DCAF5: variants seen among roughly 807,000 people sequenced by gnomAD.
DCAF5 encodes DDB1 and CUL4 associated factor 5.
A neutral mutation model predicts 80.7 loss-of-function variants in DCAF5; 9 were observed. The ratio of observed to expected loss-of-function variants is 0.11; its 90% CI spans 0.07 to 0.19. DCAF5 has a LOEUF of 0.19. Ranked by LOEUF, DCAF5 falls within the 10% of genes least tolerant of loss-of-function variation. The pLI, the probability that DCAF5 is intolerant of heterozygous loss-of-function variation, is 1.00. For synonymous variants in DCAF5, 433 were observed against 461.9 expected (o/e 0.94, Z 0.80); for missense variants, 842 against 1,205.7 (o/e 0.70, Z 4.47).
At chr14:69,081,026 A>G (rs571180819) in intron 6 of DCAF5, among the ~76,000 whole-genome samples, 1 of 152,172 alleles carries the variant, frequency 6.6e-6, no homozygotes, top group East Asian at 1.9e-4. Flanking sequence ...AAAAAAGGCA[A>G]TAACAAATGT....
At chr14:69,081,112 G>A (rs141094613) in intron 6 of DCAF5, among the ~76,000 whole-genome samples, 2 of 152,142 alleles carry the variant, frequency 1.3e-5, no homozygotes, top group Non-Finnish European at 2.9e-5. Context: ...AACTCACTTC[G>A]CACAGCCTTT....
intron 5 of DCAF5, 95 bp from the exon 6 acceptor site, chr14:69,091,982 T>C (rs1028480364): frequency 1.3e-5 from 13 of 1,026,792 alleles, no homozygotes; most frequent in African/African-American, 1.1e-4. Flanking sequence ...CAAGCTTGCA[T>C]AGCTGAATTT....
intron 6 of DCAF5, chr14:69,085,272 GA>G (rs2139943339): frequency 4.2e-6 from 3 of 715,548 alleles, no homozygotes; most frequent in South Asian, 1.4e-5. Flanking sequence ...AAGGCAAGCA[GA>G]AAAAGCGAGT....
chr14:69,067,924 TGC>T, intron 7 of DCAF5, among the ~76,000 whole-genome samples: 1 of 152,258 alleles, frequency 6.6e-6, no homozygotes, highest in Non-Finnish European at 1.5e-5. Flanking sequence ...CCTGAGCCAC[TGC>T]ACCTGGCCCA....
intron 5 of DCAF5, among the ~76,000 whole-genome samples, chr14:69,099,034 C>T (rs1390308286): frequency 6.6e-6 from 1 of 151,890 alleles, no homozygotes; most frequent in Non-Finnish European, 1.5e-5. Flanking sequence ...GGGCAGATCA[C>T]GAGGTCAAGA....
In DCAF5 at chr14:69,153,018, C is replaced by G; in HGVS notation, c.-40G>C. The G allele has an allele frequency of 6.8e-7, 1 of 1,470,096 alleles. No individual in the cohort carries two copies. The highest frequency in any genetic ancestry group is 9.0e-7 in the Non-Finnish European group (1 of 1,114,302). The allele number at this position is 1,470,096 out of a possible 1,614,324, so 91.1% of individuals were successfully genotyped here. A position where few individuals can be genotyped will look rare whatever the true frequency, so the allele number is the denominator to read the frequency against. ...CGCCGCCGCTCGCGCCGCCGCCCCT[C>G]CCTCGGCCTCACGCGCGGCCGCTGC... On this transcript the variant is annotated 5_prime_UTR_variant, in exon 1 of 9. Transcript: ENST00000341516.
At chr14:69,107,556 G>C (rs142285972) in intron 5 of DCAF5, among the ~76,000 whole-genome samples, 3 of 152,016 alleles carry the variant, frequency 2.0e-5, no homozygotes, top group Non-Finnish European at 4.4e-5. Context: ...CAGTGACCTG[G>C]TGTCCTCCAG....
chr14:69,091,872 A>G lies in DCAF5; in HGVS notation c.681T>C (p.Tyr227=), dbSNP rs758975589. 1 of 1,612,824 alleles carries G rather than the reference A, an allele frequency of 6.2e-7. No homozygotes were observed. The highest frequency in any genetic ancestry group is 8.5e-7 in the Non-Finnish European group (1 of 1,179,360). ...CACTTTGGAGGGACAGGTTTCCACC[A>G]TAGCGCAGGAGAGAACTGGAAGGCA... The part of the protein sequence containing the change: ...IRKPQSSLLR[Y]GGNLSLQSAM... Residue 227 remains tyrosine (Y), a synonymous_variant, in exon 6 of 9, where the codon TAT becomes TAC. Coordinates refer to ENST00000341516, the MANE Select transcript of DCAF5 (RefSeq NM_003861.3).
intron 1 of DCAF5, among the ~76,000 whole-genome samples, chr14:69,135,263 G>A (rs926420572): frequency 2.0e-5 from 3 of 152,186 alleles, no homozygotes; most frequent in Non-Finnish European, 4.4e-5. Context: ...CTAGGGCAGT[G>A]ACGGCAAATT....
chr14:69,086,411 T>C (rs980243292), intron 6 of DCAF5, among the ~76,000 whole-genome samples: 2 of 150,848 alleles, frequency 1.3e-5, no homozygotes, highest in African/African-American at 2.4e-5. Flanking sequence ...GATATGAAAA[T>C]GCTTTACAAG....
intron 1 of DCAF5, among the ~76,000 whole-genome samples, chr14:69,136,313 G>C (rs2041195246): frequency 6.6e-6 from 1 of 151,732 alleles, no homozygotes; most frequent in South Asian, 2.1e-4. Context: ...ACAGGGTCTT[G>C]CTATGTTGCC....
chr14:69,118,882 G>C lies in DCAF5; in HGVS notation c.395+312C>G, dbSNP rs2040618492. Among the ~76,000 whole-genome samples, 1 of 152,164 alleles carries C rather than the reference G, an allele frequency of 6.6e-6. No homozygotes were observed. Among genetic ancestry groups the C allele is most frequent in the African/African-American group, 2.4e-5 (1 of 41,448 alleles). ...CATTTACAATGGTGTCTGGCACATAGTAAGAACTCAATCAATATTAGCTAT... is the reference window on the plus strand; with the variant it reads ...CATTTACAATGGTGTCTGGCACATACTAAGAACTCAATCAATATTAGCTAT... On this transcript the variant is annotated intron_variant, in intron 3 of 8. Coordinates refer to ENST00000341516, the MANE Select transcript of DCAF5 (RefSeq NM_003861.3). The surrounding 1 kb of genome is among the most constrained non-coding windows in gnomAD (Gnocchi z 4.0).
In DCAF5 at chr14:69,053,813, TTGTAAGGCTACTTTTGTAGC is replaced by T; in HGVS notation, c.*24_*43del. On this transcript the variant is annotated 3_prime_UTR_variant, in exon 9 of 9. Coordinates refer to ENST00000341516, the MANE Select transcript of DCAF5 (RefSeq NM_003861.3). ...TATTCACTAAACAATTTTTTTTTTT[TTGTAAGGCTACTTTTGTAGC>T]TTTTTGTTTTCCCTTTGTATTTATC... 2 of 1,531,580 alleles carry T rather than the reference TTGTAAGGCTACTTTTGTAGC, an allele frequency of 1.3e-6. No homozygotes were observed. The highest frequency in any genetic ancestry group is 1.7e-6 in the Non-Finnish European group (2 of 1,150,198). 94.9% of individuals were successfully genotyped at this position (1,531,580 alleles called of 1,614,324 possible). A position where few individuals can be genotyped will look rare whatever the true frequency, so the allele number is the denominator to read the frequency against.
chr14:69,063,547 C>T (rs930463230), intron 7 of DCAF5, among the ~76,000 whole-genome samples: 8 of 152,322 alleles, frequency 5.3e-5, no homozygotes, highest in Middle Eastern at 3.4e-3. Context: ...AGGAGCATGG[C>T]GCCACTAGGC....
chr14:69,143,553 C>CTTTTTTT (rs562355110), intron 1 of DCAF5, among the ~76,000 whole-genome samples: 1 of 102,200 alleles, frequency 9.8e-6, no homozygotes, highest in Non-Finnish European at 1.9e-5. Flanking sequence ...ATCTGTTAAA[C>CTTTTTTT]TTTTTTTTTT....
Position 69,055,089 on chromosome 14 carries a change from A to G in DCAF5, c.1597T>C (p.Ser533Pro), listed in dbSNP as rs1227341955. ...TCCACCTCACAGACATTCTCCTCAGAATCGGACTCATTGGAAAGGGCCAGG... is the reference window on the plus strand; with the variant it reads ...TCCACCTCACAGACATTCTCCTCAGGATCGGACTCATTGGAAAGGGCCAGG... ...RLLALSNESD[S>P]EENVCEVELD... Residue 533 changes from serine (S) to proline (P), a missense_variant, in exon 9 of 9, where the codon TCT becomes CCT. By Grantham distance (74) the Ser-to-Pro change is moderately conservative. Transcript: ENST00000341516. This position sits in a 1 kb window ranked among gnomAD's most constrained non-coding sequence, Gnocchi z 5.6. 1 of 1,614,056 alleles carries G rather than the reference A, an allele frequency of 6.2e-7. No individual in the cohort carries two copies. The highest frequency in any genetic ancestry group is 8.5e-7 in the Non-Finnish European group (1 of 1,180,038).
chr14:69,114,938 C>T (rs1405542946), intron 5 of DCAF5, among the ~76,000 whole-genome samples: 3 of 152,196 alleles, frequency 2.0e-5, no homozygotes, highest in Non-Finnish European at 4.4e-5. Context: ...ATTGCTCAAG[C>T]TTTCCACTGG....
intron 1 of DCAF5, among the ~76,000 whole-genome samples, chr14:69,142,143 T>C (rs2041396422): frequency 6.6e-6 from 1 of 152,106 alleles, no homozygotes. Context: ...AAAAAAAATT[T>C]TTTTTAATTA....
At chr14:69,100,840 C>A (rs1030565056) in intron 5 of DCAF5, among the ~76,000 whole-genome samples, 40 of 152,132 alleles carry the variant, frequency 2.6e-4, no homozygotes, top group African/African-American at 9.4e-4. Flanking sequence ...AAGTCCCTAT[C>A]TAAAATATGT....
Sources: gnomAD v4.1 joint callset for allele counts (sites outside exome capture counted in the v4.1 genomes callset) on GRCh38, gnomAD v4.1.1 for gene constraint, Gnocchi (gnomAD v3.1) non-coding constraint, MANE v1.5 for transcripts, NCBI Gene and HGNC (gene_info 2026-07-23, HGNC 2026-07-21) for gene names.